ARHGEF26: variants seen among roughly 807,000 people sequenced by gnomAD.
ARHGEF26 encodes Rho guanine nucleotide exchange factor 26, also known as Rho guanine nucleotide exchange factor (GEF) 26.
ARHGEF26 carries 59 observed loss-of-function variants against 89.4 expected under a neutral mutation model. The ratio of observed to expected loss-of-function variants is 0.66; its 90% CI spans 0.54 to 0.82. ARHGEF26 has a LOEUF of 0.82. Ranked by LOEUF, ARHGEF26 falls within the 40% of genes least tolerant of loss-of-function variation. The probability of loss-of-function intolerance (pLI) is 0.00; values close to 1 mark genes in which losing one functional copy is unlikely to be tolerated. For missense variants in ARHGEF26, 1,234 were observed against 1,085.6 expected, an observed-to-expected ratio of 1.14 and a Z score of -1.92; for synonymous variants, 500 against 428.4, an observed-to-expected ratio of 1.17 and a Z score of -2.06.
Position 154,251,914 on chromosome 3 carries a change from G to A in ARHGEF26, c.2301-1202G>A, listed in dbSNP as rs139300739. ...GGTAAGTAAACACAGAGCTGTACAC[G>A]CTTATGATTAACTCAGTTTATGTTA... On this transcript the variant is annotated intron_variant, in intron 12 of 14. Transcript: ENST00000465093. 5.9e-5 allele frequency among the ~76,000 whole-genome samples: 9 copies of A among 152,252 alleles called. No individual in the cohort carries two copies. The East Asian group carries it at 1.5e-3, about 26-fold the overall frequency.
Position 154,133,940 on chromosome 3 carries a change from A to T in ARHGEF26, c.1269+4221A>T, listed in dbSNP as rs548402817. Among the ~76,000 whole-genome samples the T allele has an allele frequency of 1.6e-4, 24 of 152,070 alleles. No homozygotes were observed. In the South Asian group the frequency reaches 4.4e-3, roughly 28 times the overall value. ...AATTAGCTATATTCCTAGGTATCTT[A>T]TTTTTTTGTGGCAATTGTGAATGGC... On this transcript the variant is annotated intron_variant, in intron 4 of 14. Coordinates refer to ENST00000465093, the MANE Select transcript of ARHGEF26 (RefSeq NM_015595.4).
At chr3:154,219,915 AAAAAAAC>A (rs1473331952) in intron 10 of ARHGEF26, among the ~76,000 whole-genome samples, 3 of 63,282 alleles carry the variant, frequency 4.7e-5, no homozygotes, top group African/African-American at 8.0e-5. Flanking sequence ...CTCCGTCTCA[AAAAAAAC>A]AAAAAACAAA....
chr3:154,229,350 T>C (rs1210815471), intron 11 of ARHGEF26, among the ~76,000 whole-genome samples: 1 of 152,194 alleles, frequency 6.6e-6, no homozygotes, highest in Non-Finnish European at 1.5e-5. Context: ...TAGCTGGGGC[T>C]GTGGGCATGT....
chr3:154,188,037 C>G (rs983189932), intron 7 of ARHGEF26, among the ~76,000 whole-genome samples, 200 bp downstream of exon 7: 6 of 152,080 alleles, frequency 3.9e-5, no homozygotes, highest in Non-Finnish European at 8.8e-5. Context: ...AGAATTTTCT[C>G]TCTTACGAAA....
intron 1 of ARHGEF26, 114 bp from the exon 2 acceptor site, chr3:154,121,828 G>A (rs2108025976): frequency 1.1e-6 from 1 of 929,152 alleles, no homozygotes; most frequent in Non-Finnish European, 1.6e-6. Context: ...GGGTAAGTGC[G>A]GTGCAGTCGT....
chr3:154,207,894 C>G (rs1434182375), intron 9 of ARHGEF26, among the ~76,000 whole-genome samples: 1 of 152,270 alleles, frequency 6.6e-6, no homozygotes, highest in East Asian at 1.9e-4. Flanking sequence ...ACATATACAC[C>G]ATGGTATACT....
intron 4 of ARHGEF26, among the ~76,000 whole-genome samples, chr3:154,138,647 G>A (rs776551696): frequency 6.6e-6 from 1 of 152,116 alleles, no homozygotes; most frequent in Non-Finnish European, 1.5e-5. Flanking sequence ...ATGAAAACAC[G>A]GTTAGTTAAT....
At chr3:154,221,927 G>T (rs1298224684) in intron 10 of ARHGEF26, among the ~76,000 whole-genome samples, 1 of 152,166 alleles carries the variant, frequency 6.6e-6, no homozygotes, top group Non-Finnish European at 1.5e-5. Flanking sequence ...GCCATATTTG[G>T]TTTATGGTAT....
At position 154,133,194 on chromosome 3, in the gene ARHGEF26, T is replaced by A. The variant is rs1406753364; in HGVS notation, c.1269+3475T>A. Among the ~76,000 whole-genome samples the A allele has an allele frequency of 3.3e-5, 5 of 152,188 alleles. No homozygotes were observed. The East Asian group carries it at 9.7e-4, about 29-fold the overall frequency. On this transcript the variant is annotated intron_variant, in intron 4 of 14. Coordinates refer to ENST00000465093, the MANE Select transcript of ARHGEF26 (RefSeq NM_015595.4). The stretch of plus-strand genomic sequence containing the variant: ...AGATCTTTAAGCCTTGAGTCTGTGC[T>A]GTAATTTGTCTGGGCGTGTTTATGT...
In ARHGEF26 at chr3:154,122,566, G is replaced by A. The variant is rs773411661; in HGVS notation, c.574G>A (p.Gly192Ser). 3.7e-6 allele frequency: 6 copies of A among 1,613,578 alleles called. No homozygotes were observed. The highest frequency in any genetic ancestry group is 1.7e-5 in the Admixed American group (1 of 60,020). Residue 192 changes from glycine (G) to serine (S), a missense_variant, in exon 2 of 15, where the codon GGC becomes AGC. Physicochemically the swap from Gly to Ser is moderately conservative, Grantham distance 56. Transcript: ENST00000465093. ...CTCTCCTGGGTCAGGTTCGCAGTCC[G>A]GCCGGAAGGCAAAGGACCCCGAACG... ...NDSPGSGSQSGRKAKDPERGL... is the reference protein window; with the variant it reads ...NDSPGSGSQSSRKAKDPERGL...
chr3:154,237,538 T>TCACACACA (rs71152796), intron 11 of ARHGEF26, among the ~76,000 whole-genome samples: 27,093 of 143,060 alleles, frequency 0.19, 2,912 homozygotes, highest in East Asian at 0.43. Flanking sequence ...TGAGACTCCG[T>TCACACACA]CACACACACA....
At position 154,125,050 on chromosome 3, in the gene ARHGEF26, G is replaced by A. The variant is rs181007537; in HGVS notation, c.1123+601G>A. Among the ~76,000 whole-genome samples, 709 of 152,172 alleles carry A rather than the reference G, an allele frequency of 4.7e-3. 4 individuals are homozygous for A. The highest frequency in any genetic ancestry group is 6.8e-3 in the Middle Eastern group (2 of 294). On this transcript the variant is annotated intron_variant, in intron 3 of 14. Coordinates refer to ENST00000465093, the MANE Select transcript of ARHGEF26 (RefSeq NM_015595.4). ...ATTAATGGACTTTTTTAAATAGATGGGTCAAGCGTCAGCCAACTGGAAGAG... is the reference window on the plus strand; with the variant it reads ...ATTAATGGACTTTTTTAAATAGATGAGTCAAGCGTCAGCCAACTGGAAGAG...
intron 4 of ARHGEF26, among the ~76,000 whole-genome samples, chr3:154,148,324 T>C (rs1448345056): frequency 6.6e-6 from 1 of 152,256 alleles, no homozygotes; most frequent in Non-Finnish European, 1.5e-5. Context: ...AGTTCCTTAC[T>C]GATGGCTTGT....
intron 11 of ARHGEF26, among the ~76,000 whole-genome samples, chr3:154,234,747 A>T (rs1006872822): frequency 1.3e-5 from 2 of 151,974 alleles, no homozygotes; most frequent in Non-Finnish European, 2.9e-5. Context: ...CAGTATGTTT[A>T]TTTTTTAATT....
chr3:154,254,713 G>T lies in ARHGEF26; in HGVS notation c.2369-7G>T, dbSNP rs779161448. ...TGGAAACTTAGTATGTCCTCTTTTG[G>T]CCTCAGCACTGACCCAGGTGGAAAT... On this transcript the variant is annotated splice_polypyrimidine_tract_variant and splice_region_variant and intron_variant, in intron 13 of 14. Transcript: ENST00000465093. The T allele has an allele frequency of 6.2e-6, 10 of 1,612,348 alleles. No individual in the cohort carries two copies. The highest frequency in any genetic ancestry group is 1.7e-5 in the Admixed American group (1 of 59,916).
chr3:154,234,457 T>G (rs1213091724), intron 11 of ARHGEF26, among the ~76,000 whole-genome samples: 2 of 152,158 alleles, frequency 1.3e-5, no homozygotes, highest in Non-Finnish European at 2.9e-5. Context: ...TGTCACTTAG[T>G]TTTTCTTCAC....
chr3:154,150,576 C>T (rs896498448), intron 5 of ARHGEF26, among the ~76,000 whole-genome samples: 1 of 152,104 alleles, frequency 6.6e-6, no homozygotes, highest in Non-Finnish European at 1.5e-5. Context: ...TCATTCATTT[C>T]AATCATCATA....
chr3:154,122,228 G>A lies in ARHGEF26; in HGVS notation c.236G>A (p.Arg79Lys), dbSNP rs770929482. Residue 79 changes from arginine to lysine, a missense_variant, in exon 2 of 15, where the codon AGG becomes AAG. By Grantham distance (26) the Arg-to-Lys change is conservative (BLOSUM62 2). Coordinates refer to ENST00000465093, the MANE Select transcript of ARHGEF26 (RefSeq NM_015595.4). ...GCCTCGGACAGCAGGACGGTACATAGGAGCCCCCTGCTTCTGGGCGCCCAG... is the reference window on the plus strand; with the variant it reads ...GCCTCGGACAGCAGGACGGTACATAAGAGCCCCCTGCTTCTGGGCGCCCAG... ...PTASDSRTVH[R>K]SPLLLGAQRR... 6.8e-6 allele frequency: 11 copies of A among 1,609,390 alleles called. 1 individual carries two copies. In the South Asian group the frequency reaches 1.1e-4, roughly 16 times the overall value.
chr3:154,247,655 G>C (rs182695856), intron 12 of ARHGEF26, among the ~76,000 whole-genome samples: 2 of 152,288 alleles, frequency 1.3e-5, no homozygotes, highest in East Asian at 3.9e-4. Flanking sequence ...GAGTAACCAG[G>C]TGTGGAGAAA....
Sources: allele counts gnomAD v4.1 joint callset (sites outside exome capture counted in the v4.1 genomes callset), GRCh38; gene constraint gnomAD v4.1.1; transcripts MANE v1.5; gene names NCBI Gene and HGNC (gene_info 2026-07-23, HGNC 2026-07-21).